The following SOX15 variants were observed in gnomAD, a reference collection of about 807,000 sequenced individuals.
SOX15 encodes SRY-box transcription factor 15.
In SOX15, 12 loss-of-function variants were observed where a neutral mutation model predicts 15.9. That is an observed-to-expected ratio of 0.75 (90% confidence interval 0.48 to 1.22). The LOEUF (loss-of-function observed/expected upper bound fraction) is 1.22. SOX15 is among the 50% of genes most tolerant of loss of function. The pLI, the probability that SOX15 is intolerant of heterozygous loss-of-function variation, is 0.00. For synonymous variants in SOX15, 149 were observed against 142.8 expected, an observed-to-expected ratio of 1.04 and a Z score of -0.31; for missense variants, 309 against 313.9, an observed-to-expected ratio of 0.98 and a Z score of 0.12.
chr17:7,589,025 C>T (rs978865739), intron 1 of SOX15, 119 bp downstream of exon 1: 11 of 963,976 alleles, frequency 1.1e-5, no homozygotes, highest in Admixed American at 9.3e-5. Flanking sequence ...GCCCGCCACA[C>T]CTTGGCCGCG....
chr17:7,589,375 T>G lies in SOX15; in HGVS notation c.302A>C (p.Glu101Ala), dbSNP rs1251791656. ...DEDEKRPFVE[E>A]AKRLRARHLR... ...GTGTCGGGCGCGGAGCCGCTTGGCC[T>G]CCTCCACGAAGGGCCGCTTCTCGTC... The change falls in exon 1 of 2, where the codon GAG becomes GCG. Residue 101 changes from glutamate to alanine, a missense_variant. Glu to Ala is a moderately radical substitution (Grantham distance 107). Coordinates refer to ENST00000250055, the MANE Select transcript of SOX15 (RefSeq NM_006942.2). The G allele has an allele frequency of 2.5e-6, 4 of 1,612,138 alleles. No individual in the cohort carries two copies. Among genetic ancestry groups the G allele is most frequent in the African/African-American group, 2.7e-5 (2 of 74,832 alleles).
intron 1 of SOX15, 145 bp from the exon 2 acceptor site, chr17:7,588,691 CG>C (rs1156712905): frequency 1.1e-6 from 1 of 890,736 alleles, no homozygotes; most frequent in East Asian, 2.6e-5. Context: ...AAGCCGACCC[CG>C]GGATGGAGAG....
chr17:7,588,380 A>G lies in SOX15; in HGVS notation c.700T>C (p.Ter234GlnextTer44). 6.2e-7 allele frequency: 1 copy of G among 1,612,988 alleles called. No homozygotes were observed. ...AGAPMPLTHL* is the reference protein window; with the variant it reads ...AGAPMPLTHLQ Reference sequence around the variant, plus strand: ...CGTGAGGTCTGCGTCCATGAGGGTTAGAGGTGGGTTAGGGGCATGGGGGCA... The same window carrying G: ...CGTGAGGTCTGCGTCCATGAGGGTTGGAGGTGGGTTAGGGGCATGGGGGCA... The change falls in exon 2 of 2, where the codon TAA becomes CAA. Residue 234 changes from the stop codon to glutamine (Q), a stop_lost. Transcript: ENST00000250055.
Position 7,588,373 on chromosome 17 carries a change from G to A in SOX15, c.*5C>T. 1 of 1,613,198 alleles carries A rather than the reference G, an allele frequency of 6.2e-7. No homozygotes were observed. The highest frequency in any genetic ancestry group is 8.5e-7 in the Non-Finnish European group (1 of 1,179,376). ...CCCGTCCCGTGAGGTCTGCGTCCAT[G>A]AGGGTTAGAGGTGGGTTAGGGGCAT... On this transcript the variant is annotated 3_prime_UTR_variant, in exon 2 of 2. Coordinates refer to ENST00000250055, the MANE Select transcript of SOX15 (RefSeq NM_006942.2).
At chr17:7,589,080 C>T in intron 1 of SOX15, 64 bp downstream of exon 1, 2 of 1,400,144 alleles carry the variant, frequency 1.4e-6, no homozygotes, top group South Asian at 1.5e-5. Context: ...GCATCCGCCC[C>T]CACCAAGGCT....
rs1436696597 is a variant in SOX15, at chr17:7,588,637, CACCCAGCCCTGGCT to C, written c.534-105_534-92del. 1.4e-4 allele frequency: 190 copies of C among 1,363,872 alleles called. 2 individuals are homozygous for C. In the South Asian group the frequency reaches 1.7e-3, roughly 12 times the overall value. The allele number at this position is 1,363,872 out of a possible 1,614,324, so 84.5% of individuals were successfully genotyped here. On this transcript the variant is annotated intron_variant, in intron 1 of 1. Coordinates refer to ENST00000250055, the MANE Select transcript of SOX15 (RefSeq NM_006942.2). ...GGCAGACAGGGTAGAGCGTGCCACCCACCCAGCCCTGGCTACCCAGCCCGCTGGGCGCAGCAGGC... is the reference window on the plus strand; with the variant it reads ...GGCAGACAGGGTAGAGCGTGCCACCCACCCAGCCCGCTGGGCGCAGCAGGC...
Position 7,589,206 on chromosome 17 carries a change from C to A in SOX15, c.471G>T (p.Pro157=). The change falls in exon 1 of 2, where the codon CCG becomes CCT. Residue 157 remains proline, a synonymous_variant. Coordinates refer to ENST00000250055, the MANE Select transcript of SOX15 (RefSeq NM_006942.2). ...LWGPGYATTQ[P]SRGFGYRPPS... ...GGGGTCTGTACCCAAAGCCTCTGCT[C>A]GGTTGGGTGGTCGCGTACCCCGGCC... 6.5e-7 allele frequency: 1 copy of A among 1,539,028 alleles called. No homozygotes were observed.
In SOX15 at chr17:7,589,922, C is replaced by G; in HGVS notation, c.-246G>C. 1.9e-6 allele frequency: 1 copy of G among 529,034 alleles called. No individual in the cohort carries two copies. Among genetic ancestry groups the G allele is most frequent in the Non-Finnish European group, 3.3e-6 (1 of 302,092 alleles). 32.8% of individuals were successfully genotyped at this position (529,034 alleles called of 1,614,324 possible). Reference sequence around the variant, plus strand: ...GGTGCCCCGGCACTGAAGAGGTGTTCTGAGGCCTACTGACTGGGGGACCCC... The same window carrying G: ...GGTGCCCCGGCACTGAAGAGGTGTTGTGAGGCCTACTGACTGGGGGACCCC... On this transcript the variant is annotated 5_prime_UTR_variant, in exon 1 of 2. Transcript: ENST00000250055.
chr17:7,589,516 T>A lies in SOX15; in HGVS notation c.161A>T (p.Asn54Ile). The change falls in exon 1 of 2, where the codon AAC (asparagine) becomes ATC (isoleucine). Residue 54 changes from asparagine (N) to isoleucine (I), a missense_variant. By Grantham distance (149) the Asn-to-Ile change is moderately radical (BLOSUM62 -3). Coordinates refer to ENST00000250055, the MANE Select transcript of SOX15 (RefSeq NM_006942.2). ...LPLEKVKRPM[N>I]AFMVWSSAQR... Reference sequence around the variant, plus strand: ...AGCGGAGCTCCACACCATGAACGCGTTCATCGGCCGCTTCACCTTCTCCAG... The same window carrying A: ...AGCGGAGCTCCACACCATGAACGCGATCATCGGCCGCTTCACCTTCTCCAG... 1.2e-6 allele frequency: 2 copies of A among 1,612,134 alleles called. No individual in the cohort carries two copies. The highest frequency in any genetic ancestry group is 1.7e-6 in the Non-Finnish European group (2 of 1,179,432).
chr17:7,589,228 G>A lies in SOX15; in HGVS notation c.449C>T (p.Pro150Leu), dbSNP rs758984906. 30 of 1,544,350 alleles carry A rather than the reference G, an allele frequency of 1.9e-5. No individual in the cohort carries two copies. The highest frequency in any genetic ancestry group is 1.4e-5 in the Non-Finnish European group (16 of 1,144,136). ...NLASGGPLWG[P>L]GYATTQPSRG... ...GCTCGGTTGGGTGGTCGCGTACCCC[G>A]GCCCCCAGAGCGGGCCGCCGCTGGC... is the stretch of plus-strand genomic sequence containing the variant. Residue 150 changes from proline to leucine, a missense_variant, in exon 1 of 2, where the codon CCG becomes CTG. Coordinates refer to ENST00000250055, the MANE Select transcript of SOX15 (RefSeq NM_006942.2).
At position 7,588,278 on chromosome 17, in the gene SOX15, T is replaced by C. The variant is rs2071618775; in HGVS notation, c.*100A>G. On this transcript the variant is annotated 3_prime_UTR_variant, in exon 2 of 2. Transcript: ENST00000250055. Reference sequence around the variant, plus strand: ...AGGACTGCAGGCTGCCTCTGAACTGTAGTCCAACAGGAGAAAGGGTTGACA... The same window carrying C: ...AGGACTGCAGGCTGCCTCTGAACTGCAGTCCAACAGGAGAAAGGGTTGACA... The C allele has an allele frequency of 8.5e-7, 1 of 1,172,904 alleles. No homozygotes were observed. The highest frequency in any genetic ancestry group is 1.7e-5 in the Admixed American group (1 of 59,462). The allele number at this position is 1,172,904 out of a possible 1,614,324, so 72.7% of individuals were successfully genotyped here.
chr17:7,589,494 G>A lies in SOX15; in HGVS notation c.183C>T (p.Ser61=). ...GCTGCGCCATCTGGCGGCGCTGAGC[G>A]GAGCTCCACACCATGAACGCGTTCA... ...RPMNAFMVWS[S]AQRRQMAQQN... The change falls in exon 1 of 2, where the codon TCC becomes TCT. Residue 61 remains serine, a synonymous_variant. Coordinates refer to ENST00000250055, the MANE Select transcript of SOX15 (RefSeq NM_006942.2). 3.7e-6 allele frequency: 6 copies of A among 1,613,342 alleles called. No homozygotes were observed. Among genetic ancestry groups the A allele is most frequent in the South Asian group, 1.1e-5 (1 of 91,064 alleles).
In SOX15 at chr17:7,588,347, G is replaced by A. The variant is rs749976443; in HGVS notation, c.*31C>T. On this transcript the variant is annotated 3_prime_UTR_variant, in exon 2 of 2. Transcript: ENST00000250055. ...TGCTGGATTAAAAAAGGAGGATGAG[G>A]CCCGTCCCGTGAGGTCTGCGTCCAT... 1.9e-6 allele frequency: 3 copies of A among 1,607,680 alleles called. No individual in the cohort carries two copies. Among genetic ancestry groups the A allele is most frequent in the Admixed American group, 3.3e-5 (2 of 59,990 alleles).
chr17:7,589,756 T>C lies in SOX15; in HGVS notation c.-80A>G. On this transcript the variant is annotated 5_prime_UTR_variant, in exon 1 of 2. Transcript: ENST00000250055. The stretch of plus-strand genomic sequence containing the variant: ...CGTCGATCCTGAAAATGGAAAGGTC[T>C]TCCCAGTCTGGAGTCGTTGCCGAGG... 1 of 1,296,230 alleles carries C rather than the reference T, an allele frequency of 7.7e-7. No individual in the cohort carries two copies. The highest frequency in any genetic ancestry group is 1.0e-6 in the Non-Finnish European group (1 of 964,958). 80.3% of individuals were successfully genotyped at this position (1,296,230 alleles called of 1,614,324 possible). A position where few individuals can be genotyped will look rare whatever the true frequency, so the allele number is the denominator to read the frequency against.
At chr17:7,588,864 G>T (rs2071626728) in intron 1 of SOX15, 1 of 589,334 alleles carries the variant, frequency 1.7e-6, no homozygotes, top group East Asian at 2.8e-5. Flanking sequence ...AAGCAGGGGG[G>T]AAACGGGGCA....
chr17:7,589,289 C>T lies in SOX15; in HGVS notation c.388G>A (p.Gly130Arg). Residue 130 changes from glycine (G) to arginine (R), a missense_variant, in exon 1 of 2, where the codon GGA becomes AGA. By Grantham distance (125) the Gly-to-Arg change is moderately radical (BLOSUM62 -2). Transcript: ENST00000250055. Reference sequence around the variant, plus strand: ...CTTCCCTGTCCGCAGCGGGAAGGTCCGGCGCCCGAGCTCTTGGCCTTGCGC... The same window carrying T: ...CTTCCCTGTCCGCAGCGGGAAGGTCTGGCGCCCGAGCTCTTGGCCTTGCGC... ...PRRKAKSSGA[G>R]PSRCGQGRGN... The T allele has an allele frequency of 5.1e-6, 8 of 1,576,728 alleles. 1 individual carries two copies. Among genetic ancestry groups the T allele is most frequent in the Non-Finnish European group, 6.9e-6 (8 of 1,161,502 alleles).
At chr17:7,588,616 G>A in intron 1 of SOX15, 70 bp from the exon 2 acceptor site, 1 of 1,504,508 alleles carries the variant, frequency 6.6e-7, no homozygotes, top group Non-Finnish European at 9.2e-7. Context: ...GTTCTGGGCA[G>A]ACAGGGTAGA....
At chr17:7,589,086 AG>A in intron 1 of SOX15, 57 bp downstream of exon 1, 2 of 1,407,504 alleles carry the variant, frequency 1.4e-6, no homozygotes, top group Non-Finnish European at 1.9e-6. Flanking sequence ...GCCCCCACCA[AG>A]GCTCCAGAAG....
Position 7,588,530 on chromosome 17 carries a change from G to C in SOX15, c.550C>G (p.Leu184Val). 6.2e-7 allele frequency: 1 copy of C among 1,613,312 alleles called. No homozygotes were observed. The highest frequency in any genetic ancestry group is 8.5e-7 in the Non-Finnish European group (1 of 1,179,970). Residue 184 changes from leucine to valine, a missense_variant, in exon 2 of 2, where the codon CTG becomes GTG. By Grantham distance (32) the Leu-to-Val change is conservative. Transcript: ENST00000250055. The stretch of plus-strand genomic sequence containing the variant: ...AGGGAGCACGGTGAGGGGGCTTCCA[G>C]TTTGCAGTGGGAAGAGCTGCAGAGA... ...PGSYGSSHCKLEAPSPCSLPQ... is the reference protein window; with the variant it reads ...PGSYGSSHCKVEAPSPCSLPQ...
Sources: allele counts gnomAD v4.1 joint callset, GRCh38; gene constraint gnomAD v4.1.1; transcripts MANE v1.5; gene names NCBI Gene and HGNC (gene_info 2026-07-23, HGNC 2026-07-21).